Variants in DCAF7 observed in about 807,000 individuals in gnomAD.
The protein encoded by DCAF7 is DDB1- and CUL4-associated factor 7.
DCAF7 carries 4 observed loss-of-function variants against 41.2 expected under a neutral mutation model. That is an observed-to-expected ratio of 0.10 (90% confidence interval 0.05 to 0.22). DCAF7 has a LOEUF of 0.22. Among genes scored for constraint, DCAF7 ranks in the 10% least tolerant of loss-of-function variants. DCAF7 has a pLI of 1.00. For missense variants in DCAF7, 131 were observed against 443.2 expected (o/e 0.30, Z 6.32); for synonymous variants, 143 against 164.2 (o/e 0.87, Z 0.99).
chr17:63,584,393 G>C (rs2147777595), intron 5 of DCAF7, among the ~76,000 whole-genome samples: 1 of 152,166 alleles, frequency 6.6e-6, no homozygotes, highest in African/African-American at 2.4e-5. Context: ...GTTTGAACCT[G>C]GTAGGCAGAG....
chr17:63,572,808 G>A (rs926130054), intron 1 of DCAF7, among the ~76,000 whole-genome samples: 7 of 152,118 alleles, frequency 4.6e-5, no homozygotes, highest in Admixed American at 4.6e-4. Flanking sequence ...TGTTGCCCAG[G>A]CTGCAGTGTG....
intron 3 of DCAF7, among the ~76,000 whole-genome samples, 171 bp downstream of exon 3, chr17:63,579,619 T>A (rs886345718): frequency 6.6e-5 from 10 of 152,142 alleles, no homozygotes; most frequent in Admixed American, 6.5e-4. Context: ...TGTGTATAGA[T>A]CTTGTCTCTC....
chr17:63,550,932 G>A lies in DCAF7; in HGVS notation c.138+117G>A, dbSNP rs73994308. ...TGCGGACTCGCCCTAGGGCCACGGA[G>A]CGGTTCCTCTGTCTGGCCCTGTGCT... On this transcript the variant is annotated intron_variant, in intron 1 of 6. Coordinates refer to ENST00000614556, the MANE Select transcript of DCAF7 (RefSeq NM_005828.5). The surrounding 1 kb of genome is among the most constrained non-coding windows in gnomAD (Gnocchi z 4.8). 5,252 of 1,455,292 alleles carry A rather than the reference G, an allele frequency of 3.6e-3. 128 individuals are homozygous for A. In the African/African-American group the frequency reaches 0.064, roughly 18 times the overall value. The allele number at this position is 1,455,292 out of a possible 1,614,324, so 90.1% of individuals were successfully genotyped here. A position where few individuals can be genotyped will look rare whatever the true frequency, so the allele number is the denominator to read the frequency against.
At position 63,583,741 on chromosome 17, in the gene DCAF7, C is replaced by T. The variant is rs535523302; in HGVS notation, c.738+30C>T. 212 of 1,604,418 alleles carry T rather than the reference C, an allele frequency of 1.3e-4. 3 individuals are homozygous for T. The South Asian group carries it at 1.5e-3, about 11-fold the overall frequency. The stretch of plus-strand genomic sequence containing the variant: ...GCACTCCTCTCAGGCTACCATGGGC[C>T]CTGCCTAACTCCAGCACTGCTTAGT... On this transcript the variant is annotated intron_variant, in intron 5 of 6. Coordinates refer to ENST00000614556, the MANE Select transcript of DCAF7 (RefSeq NM_005828.5).
At chr17:63,588,908 C>G in intron 6 of DCAF7, 92 bp from the exon 7 acceptor site, 1 of 1,374,488 alleles carries the variant, frequency 7.3e-7, no homozygotes, top group Non-Finnish European at 9.7e-7. Flanking sequence ...CACGGGGGTG[C>G]TTTGTAAACT....
intron 5 of DCAF7, among the ~76,000 whole-genome samples, chr17:63,584,794 G>C (rs1353554899): frequency 6.6e-6 from 1 of 152,184 alleles, no homozygotes; most frequent in Non-Finnish European, 1.5e-5. Flanking sequence ...GCTCTCTCTA[G>C]TCTGTTACTT....
At chr17:63,581,639 C>T (rs2033623842) in intron 4 of DCAF7, among the ~76,000 whole-genome samples, 2 of 152,172 alleles carry the variant, frequency 1.3e-5, no homozygotes, top group African/African-American at 2.4e-5. Context: ...GCCAAATGCA[C>T]GCTGTAGGAA....
intron 6 of DCAF7, among the ~76,000 whole-genome samples, 165 bp from the exon 7 acceptor site, chr17:63,588,835 C>A (rs1018120906): frequency 6.6e-6 from 1 of 152,148 alleles, no homozygotes; most frequent in African/African-American, 2.4e-5. Flanking sequence ...GAACAAGTGC[C>A]TTAACATTTC....
intron 1 of DCAF7, among the ~76,000 whole-genome samples, chr17:63,559,439 G>GTGTGTA (rs1555680864): frequency 0.025 from 3,074 of 122,044 alleles, 230 homozygotes; most frequent in African/African-American, 0.1. Context: ...ATATGTGTGT[G>GTGTGTA]TATATATATA....
At chr17:63,553,112 CAGATAT>C (rs1157296820) in intron 1 of DCAF7, among the ~76,000 whole-genome samples, 2 of 152,134 alleles carry the variant, frequency 1.3e-5, no homozygotes, top group Non-Finnish European at 2.9e-5. Flanking sequence ...TGTTGCACTA[CAGATAT>C]AAACAACATG....
Position 63,579,507 on chromosome 17 carries a change from A to G in DCAF7, c.409+59A>G, listed in dbSNP as rs913467475. On this transcript the variant is annotated intron_variant, in intron 3 of 6. Coordinates refer to ENST00000614556, the MANE Select transcript of DCAF7 (RefSeq NM_005828.5). ...AAGAAGCCAAAATAAATTTTCTCAGATGTCACACTGGGCCATACATCCTAG... is the reference window on the plus strand; with the variant it reads ...AAGAAGCCAAAATAAATTTTCTCAGGTGTCACACTGGGCCATACATCCTAG... The G allele has an allele frequency of 1.7e-5, 21 of 1,268,142 alleles. No homozygotes were observed. In the East Asian group the frequency reaches 4.3e-4, roughly 26 times the overall value. The allele number at this position is 1,268,142 out of a possible 1,614,324, so 78.6% of individuals were successfully genotyped here.
chr17:63,574,892 G>A (rs1193594924), intron 1 of DCAF7, among the ~76,000 whole-genome samples: 1 of 152,034 alleles, frequency 6.6e-6, no homozygotes, highest in African/African-American at 2.4e-5. Context: ...AGGATCAATT[G>A]AGCCTAGGAG....
intron 4 of DCAF7, among the ~76,000 whole-genome samples, chr17:63,580,958 T>C (rs977880467): frequency 1.3e-5 from 2 of 152,200 alleles, no homozygotes; most frequent in African/African-American, 4.8e-5. Flanking sequence ...TACCTTACCC[T>C]GCACAGCTAG....
intron 1 of DCAF7, among the ~76,000 whole-genome samples, chr17:63,557,014 C>G: frequency 6.6e-6 from 1 of 151,986 alleles, no homozygotes; most frequent in East Asian, 1.9e-4. Context: ...GGTGACAGAG[C>G]GAGACCGCCA....
intron 4 of DCAF7, among the ~76,000 whole-genome samples, chr17:63,582,625 C>T (rs1306878711): frequency 6.6e-6 from 1 of 152,126 alleles, no homozygotes; most frequent in Non-Finnish European, 1.5e-5. Flanking sequence ...CCAGACACCA[C>T]ACTCAGCTAA....
At chr17:63,558,106 G>C (rs531281947) in intron 1 of DCAF7, among the ~76,000 whole-genome samples, 21 of 152,250 alleles carry the variant, frequency 1.4e-4, no homozygotes, top group Non-Finnish European at 2.8e-4. Flanking sequence ...TGTTGCCCAG[G>C]CTGGTCTCAA....
intron 3 of DCAF7, 43 bp downstream of exon 3, chr17:63,579,491 A>G: frequency 6.8e-7 from 1 of 1,467,948 alleles, no homozygotes. Flanking sequence ...GAAGAAGCCA[A>G]AATAAATTTT....
At chr17:63,583,065 A>G (rs145451635) in intron 4 of DCAF7, among the ~76,000 whole-genome samples, 227 of 152,334 alleles carry the variant, frequency 1.5e-3, no homozygotes, top group Non-Finnish European at 2.7e-3. Flanking sequence ...GCTGCTATTA[A>G]GTGGCCACAG....
intron 1 of DCAF7, among the ~76,000 whole-genome samples, chr17:63,551,594 A>G (rs1371884637): frequency 6.6e-6 from 1 of 152,146 alleles, no homozygotes; most frequent in African/African-American, 2.4e-5. Context: ...TGGCATTGCA[A>G]CAAACTCATT....
Sources: allele counts gnomAD v4.1 joint callset (sites outside exome capture counted in the v4.1 genomes callset), GRCh38; gene constraint gnomAD v4.1.1; non-coding constraint Gnocchi (gnomAD v3.1); transcripts MANE v1.5; gene names NCBI Gene and HGNC (gene_info 2026-07-23, HGNC 2026-07-21).